MDM2: variants seen among roughly 807,000 people sequenced by gnomAD.
The protein encoded by MDM2 is E3 ubiquitin-protein ligase Mdm2.
A neutral mutation model predicts 64.3 loss-of-function variants in MDM2; 11 were observed. The observed-to-expected ratio is 0.17, with a 90% CI of 0.11 to 0.28. The LOEUF (loss-of-function observed/expected upper bound fraction) is 0.28. Ranked by LOEUF, MDM2 falls within the 10% of genes least tolerant of loss-of-function variation. The pLI is 1.00. For synonymous variants in MDM2, 194 were observed against 192.9 expected (o/e 1.01, Z -0.05); for missense variants, 388 against 577.1 (o/e 0.67, Z 3.36).
intron 3 of MDM2, among the ~76,000 whole-genome samples, chr12:68,815,303 G>A (rs1308595774): frequency 6.6e-6 from 1 of 152,148 alleles, no homozygotes; most frequent in African/African-American, 2.4e-5. Flanking sequence ...AGTAGTGTAT[G>A]TATTGTCTGA....
At chr12:68,832,558 G>C (rs958837555) in intron 8 of MDM2, among the ~76,000 whole-genome samples, 41 of 152,064 alleles carry the variant, frequency 2.7e-4, no homozygotes, top group Non-Finnish European at 4.4e-4. Flanking sequence ...CGTTGCCCAG[G>C]CGGGAGTGCA....
intron 3 of MDM2, among the ~76,000 whole-genome samples, chr12:68,816,072 TTCC>T (rs1303240650): frequency 6.6e-6 from 1 of 152,178 alleles, no homozygotes; most frequent in Non-Finnish European, 1.5e-5. Flanking sequence ...TTTTTCTGTC[TTCC>T]TCCTCTGGTG....
At chr12:68,813,043 G>A (rs1881046157) in intron 2 of MDM2, among the ~76,000 whole-genome samples, 1 of 152,154 alleles carries the variant, frequency 6.6e-6, no homozygotes, top group African/African-American at 2.4e-5. Flanking sequence ...TAACTAAGAG[G>A]CAGCATGATA....
chr12:68,836,063 A>G lies in MDM2; in HGVS notation c.840+79A>G, dbSNP rs928307623. ...TGTTCATTGACTTTGAGATTGAAAT[A>G]ATATTATTCAGATTTCACTTGAAAT... On this transcript the variant is annotated intron_variant, in intron 9 of 10. Transcript: ENST00000258149. The G allele has an allele frequency of 2.5e-5, 31 of 1,222,996 alleles. No individual in the cohort carries two copies. The African/African-American group carries it at 4.3e-4, about 17-fold the overall frequency. The allele number at this position is 1,222,996 out of a possible 1,614,324, so 75.8% of individuals were successfully genotyped here. A position where few individuals can be genotyped will look rare whatever the true frequency, so the allele number is the denominator to read the frequency against.
At chr12:68,835,391 A>G (rs748340679) in intron 8 of MDM2, among the ~76,000 whole-genome samples, 8 of 152,188 alleles carry the variant, frequency 5.3e-5, no homozygotes, top group Non-Finnish European at 5.9e-5. Flanking sequence ...TTAGTTGAGG[A>G]AGCAATCTAG....
At chr12:68,814,505 C>G in intron 3 of MDM2, 1 of 271,090 alleles carries the variant, frequency 3.7e-6, no homozygotes, top group Non-Finnish European at 7.4e-6. Context: ...CATTTATAAT[C>G]GAAGGAAAAG....
chr12:68,827,852 C>A (rs550383295), intron 7 of MDM2, among the ~76,000 whole-genome samples: 1 of 152,226 alleles, frequency 6.6e-6, no homozygotes, highest in South Asian at 2.1e-4. Context: ...ACTGAAGAGC[C>A]GGGCTTAGTG....
rs895182813 is a variant in MDM2, at chr12:68,816,799, A to T, written c.175-13A>T. 6.4e-7 allele frequency: 1 copy of T among 1,566,908 alleles called. No individual in the cohort carries two copies. The highest frequency in any genetic ancestry group is 2.3e-5 in the East Asian group (1 of 43,768). On this transcript the variant is annotated splice_polypyrimidine_tract_variant and intron_variant, in intron 3 of 10. Coordinates refer to ENST00000258149, the MANE Select transcript of MDM2 (RefSeq NM_002392.6). ...GTTTTCTTTAATGCTCAGAAATCAT[A>T]TTTGTATTTCAGGTTCTTTTTTATC... is the stretch of plus-strand genomic sequence containing the variant.
chr12:68,825,157 C>T (rs1232941397), intron 7 of MDM2, among the ~76,000 whole-genome samples: 3 of 152,070 alleles, frequency 2.0e-5, no homozygotes, highest in Non-Finnish European at 4.4e-5. Flanking sequence ...TACAGTGAGC[C>T]GAAATTGCGC....
intron 3 of MDM2, chr12:68,815,659 T>G: frequency 2.4e-6 from 1 of 414,852 alleles, no homozygotes; most frequent in Non-Finnish European, 4.8e-6. Context: ...CCCAGGCTGG[T>G]CTGGAACTCC....
intron 3 of MDM2, among the ~76,000 whole-genome samples, chr12:68,816,362 CTTTTTTTTTTTTTTTT>C (rs62874563): frequency 1.6e-5 from 1 of 61,064 alleles, no homozygotes; most frequent in Non-Finnish European, 2.8e-5. Context: ...TTAAAAGTAG[CTTTTTTTTTTTTTTTT>C]TTTTTTTTTT....
chr12:68,824,204 A>G (rs1676761396), intron 5 of MDM2, 159 bp from the exon 6 acceptor site: 1 of 582,280 alleles, frequency 1.7e-6, no homozygotes, highest in Non-Finnish European at 3.1e-6. Context: ...CATCTGCAAC[A>G]TTTAGTATGA....
chr12:68,818,822 C>A (rs1881611624), intron 4 of MDM2, among the ~76,000 whole-genome samples: 1 of 151,618 alleles, frequency 6.6e-6, no homozygotes, highest in African/African-American at 2.4e-5. Flanking sequence ...CCTCTGCCTC[C>A]TGGGTTCAAG....
In MDM2 at chr12:68,844,649, G is replaced by GA. The variant is rs1359808074; in HGVS notation, c.*4807dup. The stretch of plus-strand genomic sequence containing the variant: ...GTGAGGCACAAATGTAAGTACATCA[G>GA]AAAAAAACAAAAAAACTGGCTTTAA... On this transcript the variant is annotated 3_prime_UTR_variant, in exon 11 of 11. Coordinates refer to ENST00000258149, the MANE Select transcript of MDM2 (RefSeq NM_002392.6). The GA allele has an allele frequency of 1.8e-5, 4 of 225,166 alleles. No homozygotes were observed. The highest frequency in any genetic ancestry group is 3.5e-5 in the Non-Finnish European group (4 of 113,708). 13.9% of individuals were successfully genotyped at this position (225,166 alleles called of 1,614,324 possible).
At chr12:68,813,258 G>A (rs1881063568) in intron 2 of MDM2, among the ~76,000 whole-genome samples, 1 of 152,180 alleles carries the variant, frequency 6.6e-6, no homozygotes, top group African/African-American at 2.4e-5. Flanking sequence ...CTTGCAATAA[G>A]CTCGTTGGAT....
chr12:68,828,553 G>C, intron 7 of MDM2: 1 of 414,666 alleles, frequency 2.4e-6, no homozygotes, highest in South Asian at 2.6e-5. Flanking sequence ...CAGCCTGGGT[G>C]ACAGAGCAAG....
intron 4 of MDM2, among the ~76,000 whole-genome samples, chr12:68,818,743 A>G (rs1881604346): frequency 6.6e-6 from 1 of 151,450 alleles, no homozygotes; most frequent in Non-Finnish European, 1.5e-5. Flanking sequence ...TTACCTATTG[A>G]ATATTGAATC....
Position 68,808,392 on chromosome 12 carries a change from G to C in MDM2, c.-86G>C. 1.9e-6 allele frequency: 3 copies of C among 1,579,076 alleles called. No individual in the cohort carries two copies. Among genetic ancestry groups the C allele is most frequent in the Non-Finnish European group, 2.6e-6 (3 of 1,149,870 alleles). On this transcript the variant is annotated 5_prime_UTR_variant, in exon 1 of 11. Coordinates refer to ENST00000258149, the MANE Select transcript of MDM2 (RefSeq NM_002392.6). ...GCCCGGAGAGTGGAATGATCCCCGA[G>C]GCCCAGGGCGTCGTGCTTCCGCGCG...
At chr12:68,812,799 G>A (rs181236302) in intron 2 of MDM2, among the ~76,000 whole-genome samples, 4 of 152,198 alleles carry the variant, frequency 2.6e-5, no homozygotes, top group African/African-American at 7.2e-5. Flanking sequence ...AACCATGCCC[G>A]TTGGTTTACA....
Sources: gnomAD v4.1 joint callset for allele counts (sites outside exome capture counted in the v4.1 genomes callset) on GRCh38, gnomAD v4.1.1 for gene constraint, MANE v1.5 for transcripts, NCBI Gene and HGNC (gene_info 2026-07-23, HGNC 2026-07-21) for gene names.